The following CHD9 variants were observed in gnomAD, a reference collection of about 807,000 sequenced individuals.
The protein encoded by CHD9 is ATP-dependent chromatin remodeler CHD9.
Under a neutral mutation model 316.1 loss-of-function variants are expected in CHD9, and 77 were observed. The ratio of observed to expected loss-of-function variants is 0.24; its 90% CI spans 0.20 to 0.29. CHD9 has a LOEUF of 0.29. CHD9 is among the 10% of genes least tolerant of loss of function. CHD9 has a pLI of 1.00. For synonymous variants in CHD9, 1,129 were observed against 1,158.3 expected, an observed-to-expected ratio of 0.97 and a Z score of 0.51; for missense variants, 2,763 against 3,438.1, an observed-to-expected ratio of 0.80 and a Z score of 4.91.
chr16:53,207,558 T>A (rs1298349766), intron 2 of CHD9, among the ~76,000 whole-genome samples: 1 of 152,238 alleles, frequency 6.6e-6, no homozygotes, highest in African/African-American at 2.4e-5. Flanking sequence ...CTGTTAGCTT[T>A]TTGTTAGAAA....
chr16:53,254,341 C>T (rs931941583), intron 17 of CHD9, 97 bp from the exon 18 acceptor site: 1 of 818,562 alleles, frequency 1.2e-6, no homozygotes, highest in Middle Eastern at 2.6e-4. Context: ...TAAAAATGGT[C>T]TAAGAATTCT....
At chr16:53,287,719 C>T (rs2054003944) in intron 26 of CHD9, among the ~76,000 whole-genome samples, 1 of 152,128 alleles carries the variant, frequency 6.6e-6, no homozygotes, top group Non-Finnish European at 1.5e-5. Flanking sequence ...AAGAGTGAAA[C>T]TCCGTCTCAA....
intron 11 of CHD9, among the ~76,000 whole-genome samples, chr16:53,237,183 A>G (rs1227962788): frequency 6.6e-6 from 1 of 152,094 alleles, no homozygotes; most frequent in African/African-American, 2.4e-5. Context: ...TAGTCACCCA[A>G]ACTGAAATCT....
At chr16:53,076,734 C>A (rs2034564130) in intron 1 of CHD9, among the ~76,000 whole-genome samples, 2 of 151,684 alleles carry the variant, frequency 1.3e-5, no homozygotes, top group East Asian at 3.9e-4. Flanking sequence ...GATCATGCCA[C>A]TGCACTCCAG....
chr16:53,287,996 C>T lies in CHD9; in HGVS notation c.5229C>T (p.Ile1743=). 6.2e-7 allele frequency: 1 copy of T among 1,610,798 alleles called. No homozygotes were observed. ...EDPEYKPAPA[I]FKDDIEDDVS... is the part of the protein sequence containing the mutation. ...CAGAATACAAACCTGCCCCAGCCAT[C>T]TTTAAAGATGATATAGAGGTATGCA... Residue 1743 remains isoleucine (I), a synonymous_variant, in exon 27 of 39, where the codon ATC becomes ATT. Coordinates refer to ENST00000447540, the MANE Select transcript of CHD9 (RefSeq NM_001308319.2).
At chr16:53,096,549 G>A (rs961434429) in intron 1 of CHD9, among the ~76,000 whole-genome samples, 2 of 152,144 alleles carry the variant, frequency 1.3e-5, no homozygotes, top group African/African-American at 4.8e-5. Context: ...CTGAAACTAA[G>A]TGTCTCTCCC....
At chr16:53,215,688 T>G (rs2046699631) in intron 3 of CHD9, among the ~76,000 whole-genome samples, 1 of 152,180 alleles carries the variant, frequency 6.6e-6, no homozygotes, top group African/African-American at 2.4e-5. Flanking sequence ...AATGGACTAA[T>G]TGGGTAAGAT....
chr16:53,063,520 T>C (rs1204130705), intron 1 of CHD9, among the ~76,000 whole-genome samples: 1 of 151,970 alleles, frequency 6.6e-6, no homozygotes, highest in Non-Finnish European at 1.5e-5. Context: ...TTTCTTTTTC[T>C]TTATTTTTTT....
At position 53,157,192 on chromosome 16, in the gene CHD9, G is replaced by A; in HGVS notation, c.1103G>A (p.Gly368Glu). The change falls in exon 2 of 39, where the codon GGA becomes GAA. Residue 368 changes from glycine to glutamate, a missense_variant. By Grantham distance (98) the Gly-to-Glu change is moderately conservative (BLOSUM62 -2). Around this residue, in one of 15 missense-constraint regions of CHD9, gnomAD observed 859 missense variants for 890.4 expected, o/e 0.96. Coordinates refer to ENST00000447540, the MANE Select transcript of CHD9 (RefSeq NM_001308319.2). The part of the protein sequence containing the change: ...HMNFPDPVDS[G>E]TQMGHFNDHV... Reference sequence around the variant, plus strand: ...AACTTCCCAGATCCTGTTGACTCAGGAACTCAAATGGGCCATTTCAATGAT... The same window carrying A: ...AACTTCCCAGATCCTGTTGACTCAGAAACTCAAATGGGCCATTTCAATGAT... 6.2e-7 allele frequency: 1 copy of A among 1,607,090 alleles called. No individual in the cohort carries two copies. Among genetic ancestry groups the A allele is most frequent in the Non-Finnish European group, 8.5e-7 (1 of 1,176,226 alleles).
chr16:53,066,038 C>A (rs1187904206), intron 1 of CHD9, among the ~76,000 whole-genome samples: 1 of 152,124 alleles, frequency 6.6e-6, no homozygotes, highest in Non-Finnish European at 1.5e-5. Flanking sequence ...TTACTGCATA[C>A]CCACGAGTAA....
intron 2 of CHD9, chr16:53,169,161 A>G (rs1335569279): frequency 1.3e-5 from 2 of 152,298 alleles, no homozygotes; most frequent in Non-Finnish European, 2.9e-5. Context: ...CAGTGATCTG[A>G]TATCATGCCC....
intron 30 of CHD9, among the ~76,000 whole-genome samples, chr16:53,299,972 T>C (rs1158573542): frequency 6.6e-6 from 1 of 152,258 alleles, no homozygotes; most frequent in East Asian, 1.9e-4. Context: ...ACATTTACTT[T>C]AGCTTAAAAT....
chr16:53,086,025 A>T (rs920152805), intron 1 of CHD9, among the ~76,000 whole-genome samples: 3 of 152,154 alleles, frequency 2.0e-5, no homozygotes, highest in Non-Finnish European at 4.4e-5. Flanking sequence ...AGCTTTGGGG[A>T]GTTTATAGCA....
chr16:53,240,067 T>G (rs577822047), intron 12 of CHD9, among the ~76,000 whole-genome samples: 4 of 152,080 alleles, frequency 2.6e-5, no homozygotes, highest in Non-Finnish European at 4.4e-5. Flanking sequence ...GGAGTGCATT[T>G]CCACACCTGG....
intron 2 of CHD9, among the ~76,000 whole-genome samples, chr16:53,185,011 T>C (rs2043861197): frequency 6.6e-6 from 1 of 152,210 alleles, no homozygotes; most frequent in Non-Finnish European, 1.5e-5. Context: ...CTAAACCTCT[T>C]TCCTTTATAC....
chr16:53,287,938 TTTG>T lies in CHD9; in HGVS notation c.5190-16_5190-14del, dbSNP rs759359670. On this transcript the variant is annotated splice_polypyrimidine_tract_variant and intron_variant, in intron 26 of 38. Coordinates refer to ENST00000447540, the MANE Select transcript of CHD9 (RefSeq NM_001308319.2). ...TAAGTCCATTACAGTAATTATAGCA[TTTG>T]TTTGTATTTTAACAGGGATGTGGAA... 1 of 1,587,028 alleles carries T rather than the reference TTTG, an allele frequency of 6.3e-7. No homozygotes were observed. The highest frequency in any genetic ancestry group is 8.7e-7 in the Non-Finnish European group (1 of 1,155,430).
At chr16:53,131,347 G>GGGGGGA (rs1257268787) in intron 1 of CHD9, 5 of 157,590 alleles carry the variant, frequency 3.2e-5, no homozygotes, top group African/African-American at 1.2e-4. Flanking sequence ...CTCGGCCGGT[G>GGGGGGA]GGGGGAGGGG....
intron 11 of CHD9, among the ~76,000 whole-genome samples, chr16:53,235,910 A>G (rs768230071): frequency 1.6e-4 from 24 of 152,198 alleles, no homozygotes; most frequent in Non-Finnish European, 2.9e-4. Context: ...TTACATATGC[A>G]AAAGAGCAAA....
At chr16:53,274,373 C>T in intron 24 of CHD9, 71 bp downstream of exon 24, 1 of 847,148 alleles carries the variant, frequency 1.2e-6, no homozygotes, top group Non-Finnish European at 1.8e-6. Flanking sequence ...CTCCTGGGTT[C>T]AAGCGATCCT....
Sources: gnomAD v4.1 joint callset for allele counts (sites outside exome capture counted in the v4.1 genomes callset) on GRCh38, gnomAD v4.1.1 for gene constraint, gnomAD v4.1.1 regional missense constraint, MANE v1.5 for transcripts, NCBI Gene and HGNC (gene_info 2026-07-23, HGNC 2026-07-21) for gene names.